The following FTO variants were observed in gnomAD, a reference collection of about 807,000 sequenced individuals.
The protein encoded by FTO is alpha-ketoglutarate-dependent dioxygenase FTO.
In FTO, 47 loss-of-function variants were observed where a neutral mutation model predicts 63.9. That is an observed-to-expected ratio of 0.74 (90% CI 0.58 to 0.94). The LOEUF (loss-of-function observed/expected upper bound fraction) is 0.94. Ranked by LOEUF, FTO falls within the 40% of genes least tolerant of loss-of-function variation. The pLI is 0.00. For synonymous variants in FTO, 207 were observed against 224.4 expected, an observed-to-expected ratio of 0.92 and a Z score of 0.69; for missense variants, 562 against 618.1, an observed-to-expected ratio of 0.91 and a Z score of 0.96.
rs1189706634 is a variant in FTO at position 53,760,231 on chromosome 16, TGTGTGTGTGTGTGTGTGTGTG to T, written c.46-49908_46-49888del. ...GTGTGTGTGTGTGTGTGTGTGTGTG[TGTGTGTGTGTGTGTGTGTGTG>T]TGTGTGTGTTTTTTGGAGACAGGGT... On this transcript the variant is annotated intron_variant, in intron 1 of 8. Coordinates refer to ENST00000471389, the MANE Select transcript of FTO (RefSeq NM_001080432.3). Among the ~76,000 whole-genome samples, 36 of 30,820 alleles carry T rather than the reference TGTGTGTGTGTGTGTGTGTGTG, an allele frequency of 1.2e-3. 4 individuals are homozygous for T. The highest frequency in any genetic ancestry group is 3.1e-3 in the South Asian group (3 of 966). The allele number at this position is 30,820 out of a possible 152,430, so 20.2% of individuals were successfully genotyped here. A position where few individuals can be genotyped will look rare whatever the true frequency, so the allele number is the denominator to read the frequency against.
At chr16:53,725,804 A>T (rs1365081106) in intron 1 of FTO, among the ~76,000 whole-genome samples, 1 of 152,098 alleles carries the variant, frequency 6.6e-6, no homozygotes, top group African/African-American at 2.4e-5. Flanking sequence ...CCACACTTTT[A>T]TATAAAATCA....
chr16:53,763,126 T>C (rs2077110490), intron 1 of FTO, among the ~76,000 whole-genome samples: 1 of 152,208 alleles, frequency 6.6e-6, no homozygotes, highest in African/African-American at 2.4e-5. Context: ...TAGGAAAGGT[T>C]TGGAAGATGT....
intron 1 of FTO, among the ~76,000 whole-genome samples, chr16:53,737,582 C>T (rs2076418038): frequency 6.6e-6 from 1 of 152,158 alleles, no homozygotes; most frequent in African/African-American, 2.4e-5. Context: ...GTTGTATATG[C>T]GGTCCGTTGT....
At chr16:53,808,839 TA>T (rs2078438930) in intron 1 of FTO, among the ~76,000 whole-genome samples, 1 of 152,232 alleles carries the variant, frequency 6.6e-6, no homozygotes, top group African/African-American at 2.4e-5. Context: ...TGGCTGACAG[TA>T]GCTTTGGTGA....
At chr16:53,999,727 C>A (rs2084025339) in intron 8 of FTO, 1 of 152,198 alleles carries the variant, frequency 6.6e-6, no homozygotes. Flanking sequence ...CATTAATTGG[C>A]TGGATTCTCC....
At chr16:54,031,735 AAAAGC>A (rs80051079) in intron 8 of FTO, among the ~76,000 whole-genome samples, 108 of 152,018 alleles carry the variant, frequency 7.1e-4, no homozygotes, top group East Asian at 5.4e-3. Flanking sequence ...GCAATTATAG[AAAAGC>A]AAAGCAAAGC....
intron 1 of FTO, among the ~76,000 whole-genome samples, chr16:53,745,920 A>G (rs1222196481): frequency 2.0e-5 from 3 of 151,182 alleles, no homozygotes; most frequent in East Asian, 3.9e-4. Flanking sequence ...TGGGCAATCT[A>G]AGGATGGTGA....
chr16:54,108,178 G>A (rs17236863), intron 8 of FTO, among the ~76,000 whole-genome samples: 6 of 152,046 alleles, frequency 3.9e-5, no homozygotes, highest in Non-Finnish European at 7.4e-5. Flanking sequence ...CACACATTTC[G>A]TAAGACAATT....
At chr16:53,890,443 A>T (rs1016586870) in intron 7 of FTO, among the ~76,000 whole-genome samples, 1 of 152,156 alleles carries the variant, frequency 6.6e-6, no homozygotes, top group African/African-American at 2.4e-5. Flanking sequence ...AAGAACACTT[A>T]ACATAGGATC....
chr16:53,748,440 T>C lies in FTO; in HGVS notation c.45+44211T>C, dbSNP rs188485057. 3.7e-4 allele frequency among the ~76,000 whole-genome samples: 56 copies of C among 152,236 alleles called. 1 individual carries two copies. Among genetic ancestry groups the C allele is most frequent in the African/African-American group, 1.3e-3 (52 of 41,550 alleles). On this transcript the variant is annotated intron_variant, in intron 1 of 8. Coordinates refer to ENST00000471389, the MANE Select transcript of FTO (RefSeq NM_001080432.3). ...CACAACTCACTCTTCATAGAACTAT[T>C]TTTTATAGCTATTTTATTTATTTAT...
At chr16:53,859,287 C>T (rs1205260381) in intron 4 of FTO, among the ~76,000 whole-genome samples, 1 of 152,036 alleles carries the variant, frequency 6.6e-6, no homozygotes, top group Non-Finnish European at 1.5e-5. Context: ...TTCTGACCTC[C>T]TTCTTTACAC....
At chr16:54,009,446 C>G (rs1363993518) in intron 8 of FTO, among the ~76,000 whole-genome samples, 1 of 152,156 alleles carries the variant, frequency 6.6e-6, no homozygotes, top group African/African-American at 2.4e-5. Flanking sequence ...TATTGCAAGT[C>G]TTGGCAAACT....
At chr16:54,083,660 C>T (rs1227446675) in intron 8 of FTO, among the ~76,000 whole-genome samples, 3 of 152,148 alleles carry the variant, frequency 2.0e-5, no homozygotes, top group Non-Finnish European at 2.9e-5. Flanking sequence ...CATTTTTACA[C>T]ACGACACCGC....
intron 1 of FTO, among the ~76,000 whole-genome samples, chr16:53,733,453 G>A (rs769436636): frequency 2.3e-4 from 35 of 152,082 alleles, no homozygotes; most frequent in Non-Finnish European, 4.6e-4. Flanking sequence ...AATACAGGGC[G>A]ACCTGTACAG....
At chr16:53,792,777 T>C (rs2077959846) in intron 1 of FTO, among the ~76,000 whole-genome samples, 1 of 152,168 alleles carries the variant, frequency 6.6e-6, no homozygotes. Context: ...ATTTGGCTTT[T>C]TCATCTGAAC....
chr16:53,912,862 G>C (rs746346068), intron 7 of FTO, among the ~76,000 whole-genome samples: 4 of 152,168 alleles, frequency 2.6e-5, no homozygotes, highest in Non-Finnish European at 5.9e-5. Flanking sequence ...ATCCTTACAA[G>C]TCAGGCCTCA....
At chr16:53,859,788 A>G (rs191488429) in intron 4 of FTO, among the ~76,000 whole-genome samples, 6 of 152,312 alleles carry the variant, frequency 3.9e-5, no homozygotes, top group African/African-American at 1.4e-4. Flanking sequence ...AATAGATAAC[A>G]AGTGTTGGTG....
At chr16:53,704,144 T>A (rs951243485), upstream of FTO, 6 of 1,548,460 alleles carry the variant, frequency 3.9e-6, no homozygotes, top group Non-Finnish European at 4.4e-6. Flanking sequence ...GGGCGAGGGA[T>A]CTACGCAGCT....
At chr16:54,109,248 T>C (rs2086822817) in intron 8 of FTO, among the ~76,000 whole-genome samples, 2 of 152,236 alleles carry the variant, frequency 1.3e-5, no homozygotes, top group Non-Finnish European at 2.9e-5. Context: ...CTGGCCCAGA[T>C]GGATGCAGTG....
Sources: gnomAD v4.1 joint callset for allele counts (sites outside exome capture counted in the v4.1 genomes callset) on GRCh38, gnomAD v4.1.1 for gene constraint, MANE v1.5 for transcripts, NCBI Gene and HGNC (gene_info 2026-07-23, HGNC 2026-07-21) for gene names.